Variants in POFUT3 observed in about 807,000 individuals in gnomAD.
The protein encoded by POFUT3 is protein O-fucosyltransferase 3.
At chr8:33,309,538 T>C in the POFUT3 span, among the ~76,000 whole-genome samples, 65,581 of 151,566 alleles carry the variant, frequency 0.43, 16,019 homozygotes, top group East Asian at 0.8. Context: ...CGAGTCTTCT[T>C]CTCTGCTGAC....
At chr8:33,406,108 A>T in the POFUT3 span, among the ~76,000 whole-genome samples, 1 of 152,206 alleles carries the variant, frequency 6.6e-6, no homozygotes, top group African/African-American at 2.4e-5. Flanking sequence ...ATAGTAACAC[A>T]ACAAAAAACA....
At chr8:33,331,690 T>TTG in the POFUT3 span, among the ~76,000 whole-genome samples, 25 of 145,716 alleles carry the variant, frequency 1.7e-4, no homozygotes, top group Admixed American at 1.5e-3. Flanking sequence ...TGTTGTTGTT[T>TTG]TTTGAGACGG....
At chr8:33,400,511 G>A in the POFUT3 span, among the ~76,000 whole-genome samples, 5 of 151,856 alleles carry the variant, frequency 3.3e-5, no homozygotes, top group East Asian at 7.7e-4. Context: ...GTGGATAGAC[G>A]GATGAAGGAA....
the POFUT3 span, among the ~76,000 whole-genome samples, chr8:33,472,230 T>C: frequency 6.6e-6 from 1 of 152,158 alleles, no homozygotes; most frequent in Non-Finnish European, 1.5e-5. Flanking sequence ...ACAATCCAAG[T>C]CATTTCATGC....
the POFUT3 span, among the ~76,000 whole-genome samples, chr8:33,398,628 C>T: frequency 6.6e-6 from 1 of 152,126 alleles, no homozygotes; most frequent in African/African-American, 2.4e-5. Context: ...GGGCTTAGTA[C>T]CTGAGTGACA....
chr8:33,326,503 C>T, the POFUT3 span, among the ~76,000 whole-genome samples: 1 of 152,108 alleles, frequency 6.6e-6, no homozygotes, highest in Admixed American at 6.5e-5. Flanking sequence ...ATACAGTATT[C>T]AGTATTACAT....
At chr8:33,345,365 A>G in the POFUT3 span, among the ~76,000 whole-genome samples, 42,991 of 149,094 alleles carry the variant, frequency 0.29, 6,880 homozygotes, top group South Asian at 0.52. Flanking sequence ...TGATTTTCTT[A>G]TGACAATTAA....
chr8:33,393,060 T>C, the POFUT3 span, among the ~76,000 whole-genome samples: 5 of 152,084 alleles, frequency 3.3e-5, no homozygotes, highest in African/African-American at 1.2e-4. Context: ...GCCTAGAACA[T>C]AAGTGTCAAT....
chr8:33,319,338 G>T, the POFUT3 span, among the ~76,000 whole-genome samples: 5 of 1,554 alleles, frequency 3.2e-3, no homozygotes, highest in Non-Finnish European at 4.7e-3. Flanking sequence ...TATATAATAT[G>T]TAAATATATT....
At chr8:33,434,016 C>G in the POFUT3 span, among the ~76,000 whole-genome samples, 2 of 149,478 alleles carry the variant, frequency 1.3e-5, no homozygotes, top group Admixed American at 1.3e-4. Flanking sequence ...GTAATCCCAG[C>G]ACTTTGGGAG....
At chr8:33,461,130 G>A in the POFUT3 span, among the ~76,000 whole-genome samples, 8 of 143,118 alleles carry the variant, frequency 5.6e-5, no homozygotes, top group Middle Eastern at 3.3e-3. Flanking sequence ...ACTCCAGCTC[G>A]GGCAACAGAG....
chr8:33,341,189 A>T, the POFUT3 span, among the ~76,000 whole-genome samples: 1 of 152,070 alleles, frequency 6.6e-6, no homozygotes, highest in Non-Finnish European at 1.5e-5. Context: ...TAATCCCAGC[A>T]CTTTGGGAGG....
the POFUT3 span, among the ~76,000 whole-genome samples, chr8:33,344,815 A>G: frequency 2.6e-5 from 4 of 152,240 alleles, no homozygotes. Flanking sequence ...ATTATTTAAG[A>G]GGCAACTTGC....
At chr8:33,333,424 G>A in the POFUT3 span, among the ~76,000 whole-genome samples, 1 of 152,076 alleles carries the variant, frequency 6.6e-6, no homozygotes, top group African/African-American at 2.4e-5. Context: ...CGTCTACCAG[G>A]GAAAAGAGAT....
At chr8:33,345,225 T>A in the POFUT3 span, among the ~76,000 whole-genome samples, 3 of 152,046 alleles carry the variant, frequency 2.0e-5, no homozygotes, top group Admixed American at 6.5e-5. Flanking sequence ...CATCTTTTTA[T>A]TAAATTACCC....
the POFUT3 span, among the ~76,000 whole-genome samples, chr8:33,450,741 A>C: frequency 6.6e-6 from 1 of 152,164 alleles, no homozygotes; most frequent in Non-Finnish European, 1.5e-5. Context: ...TGAGGTATAG[A>C]AGGTCAAACC....
chr8:33,412,755 G>A, the POFUT3 span, among the ~76,000 whole-genome samples: 2 of 152,260 alleles, frequency 1.3e-5, no homozygotes, highest in East Asian at 1.9e-4. Context: ...ACCCTCCCGA[G>A]CAGCTGGGAT....
At chr8:33,379,980 CTATATATATAGTA>C in the POFUT3 span, among the ~76,000 whole-genome samples, 23 of 79,990 alleles carry the variant, frequency 2.9e-4, 1 homozygote, top group African/African-American at 1.3e-3. Flanking sequence ...TATATACACT[CTATATATATAGTA>C]TATATATATA....
the POFUT3 span, among the ~76,000 whole-genome samples, chr8:33,315,051 C>A: frequency 6.6e-6 from 1 of 152,170 alleles, no homozygotes; most frequent in Non-Finnish European, 1.5e-5. Flanking sequence ...TATCAGACTG[C>A]ACATTTACTT....
Sources: gnomAD v4.1 joint callset for allele counts (sites outside exome capture counted in the v4.1 genomes callset) on GRCh38, gnomAD v4.1.1 for gene constraint, MANE v1.5 for transcripts, NCBI Gene and HGNC (gene_info 2026-07-23, HGNC 2026-07-21) for gene names.